The following MALRD1 variants were observed in gnomAD, a reference collection of about 807,000 sequenced individuals.
The protein encoded by MALRD1 is MAM and LDL-receptor class A domain-containing protein 1.
A neutral mutation model predicts 242.1 loss-of-function variants in MALRD1; 247 were observed. The ratio of observed to expected loss-of-function variants is 1.02; its 90% CI spans 0.92 to 1.13. The LOEUF is 1.13. MALRD1 is among the 50% of genes most tolerant of loss of function. The pLI is 0.00. For missense variants in MALRD1, 2,989 were observed against 2,533.1 expected (o/e 1.18, Z -3.86); for synonymous variants, 995 against 866.6 (o/e 1.15, Z -2.60).
chr10:19,371,155 A>G (rs1845358351), intron 26 of MALRD1, among the ~76,000 whole-genome samples: 1 of 151,186 alleles, frequency 6.6e-6, no homozygotes, highest in Non-Finnish European at 1.5e-5. Context: ...CCCAGCTCTC[A>G]GGAGGATCAC....
At chr10:19,705,595 G>C (rs1416963316) in intron 38 of MALRD1, among the ~76,000 whole-genome samples, 2 of 151,876 alleles carry the variant, frequency 1.3e-5, no homozygotes, top group African/African-American at 4.8e-5. Context: ...TTGAGTACAG[G>C]GTTTTGAAAT....
intron 33 of MALRD1, among the ~76,000 whole-genome samples, chr10:19,582,387 A>C (rs1837174892): frequency 6.8e-6 from 1 of 146,960 alleles, no homozygotes; most frequent in Admixed American, 6.8e-5. Context: ...TCCATCTTGA[A>C]TTGATTTTTG....
In MALRD1 at chr10:19,394,726, C is replaced by G. The variant is rs12218710; in HGVS notation, c.4845+5117C>G. Among the ~76,000 whole-genome samples the G allele has an allele frequency of 3.3e-5, 5 of 152,238 alleles. No homozygotes were observed. In the East Asian group the frequency reaches 7.7e-4, roughly 24 times the overall value. Reference sequence around the variant, plus strand: ...CCAAAAATCCAAAATTTGAAATGTTCCAGTGAGCCTTTGCTTTGAGCATCA... The same window carrying G: ...CCAAAAATCCAAAATTTGAAATGTTGCAGTGAGCCTTTGCTTTGAGCATCA... On this transcript the variant is annotated intron_variant, in intron 28 of 39. Transcript: ENST00000454679.
chr10:19,295,888 AT>A (rs1841669504), intron 21 of MALRD1, among the ~76,000 whole-genome samples: 1 of 152,126 alleles, frequency 6.6e-6, no homozygotes, highest in Admixed American at 6.6e-5. Flanking sequence ...GACCCTAAGA[AT>A]TTACATTTTA....
chr10:19,221,526 C>T (rs1476077593), intron 18 of MALRD1, among the ~76,000 whole-genome samples: 8 of 152,052 alleles, frequency 5.3e-5, no homozygotes, highest in Non-Finnish European at 1.0e-4. Flanking sequence ...AATGTAACGG[C>T]AGTTTATTAT....
chr10:19,162,098 C>T (rs1834455908), intron 12 of MALRD1, among the ~76,000 whole-genome samples: 1 of 152,106 alleles, frequency 6.6e-6, no homozygotes, highest in Non-Finnish European at 1.5e-5. Flanking sequence ...ATGAATTTTT[C>T]ACTTTGTTTA....
At chr10:19,539,897 TGC>T (rs1323112743) in intron 32 of MALRD1, among the ~76,000 whole-genome samples, 2 of 44,418 alleles carry the variant, frequency 4.5e-5, no homozygotes, top group East Asian at 7.8e-4. Context: ...TGTGTGTGTG[TGC>T]GCGCGCGCGT....
intron 18 of MALRD1, among the ~76,000 whole-genome samples, chr10:19,238,511 A>ATATACAT (rs1838568259): frequency 4.5e-5 from 2 of 44,542 alleles, no homozygotes; most frequent in African/African-American, 1.3e-4. Flanking sequence ...ATAATATATA[A>ATATACAT]TGTATATTAT....
At chr10:19,391,280 C>G (rs187608715) in intron 28 of MALRD1, among the ~76,000 whole-genome samples, 2 of 152,198 alleles carry the variant, frequency 1.3e-5, no homozygotes, top group East Asian at 3.9e-4. Flanking sequence ...TGTACTTAGT[C>G]ACGTTGATTG....
chr10:19,489,685 G>C (rs2884448), intron 29 of MALRD1, among the ~76,000 whole-genome samples: 123,260 of 152,226 alleles, frequency 0.81, 50,318 homozygotes, highest in East Asian at 1. Context: ...GCTTAACATT[G>C]CATCGGTGGG....
At chr10:19,306,613 A>G (rs928347738) in intron 21 of MALRD1, among the ~76,000 whole-genome samples, 3 of 150,276 alleles carry the variant, frequency 2.0e-5, no homozygotes, top group East Asian at 2.0e-4. Context: ...GTGTATATAT[A>G]TATGTACTTA....
chr10:19,375,045 A>G (rs1845540990), intron 26 of MALRD1, among the ~76,000 whole-genome samples: 1 of 152,134 alleles, frequency 6.6e-6, no homozygotes, highest in African/African-American at 2.4e-5. Flanking sequence ...ATGGCCCTGC[A>G]CTTTTTCTAG....
intron 31 of MALRD1, among the ~76,000 whole-genome samples, chr10:19,501,670 T>A (rs1837978482): frequency 6.6e-6 from 1 of 152,188 alleles, no homozygotes; most frequent in Non-Finnish European, 1.5e-5. Context: ...GGATACATAC[T>A]TGTTTATTAA....
At chr10:19,270,213 C>T (rs538981284) in intron 19 of MALRD1, among the ~76,000 whole-genome samples, 30 of 152,102 alleles carry the variant, frequency 2.0e-4, no homozygotes, top group Middle Eastern at 3.4e-3. Flanking sequence ...CTACTCAGGA[C>T]GCTGAGGCAC....
At chr10:19,327,884 G>C (rs943710589) in intron 23 of MALRD1, among the ~76,000 whole-genome samples, 1 of 152,012 alleles carries the variant, frequency 6.6e-6, no homozygotes, top group Admixed American at 6.6e-5. Context: ...GTAGATATTC[G>C]TACCTCTAGG....
chr10:19,464,270 G>A (rs188194386), intron 29 of MALRD1, among the ~76,000 whole-genome samples: 25 of 152,166 alleles, frequency 1.6e-4, no homozygotes, highest in African/African-American at 3.6e-4. Flanking sequence ...GTTCTTGGTC[G>A]TGAAGTCTTT....
At chr10:19,555,115 T>A (rs1031649453) in intron 32 of MALRD1, among the ~76,000 whole-genome samples, 3 of 152,054 alleles carry the variant, frequency 2.0e-5, no homozygotes, top group African/African-American at 7.2e-5. Flanking sequence ...TCTCATTGTG[T>A]TTTTGATTTG....
At chr10:19,627,837 A>T (rs1839733774) in intron 36 of MALRD1, among the ~76,000 whole-genome samples, 1 of 151,936 alleles carries the variant, frequency 6.6e-6, no homozygotes, top group African/African-American at 2.4e-5. Flanking sequence ...TACAGGATAC[A>T]CAACAGCTAG....
At chr10:19,719,219 C>CATAAATAT in intron 38 of MALRD1, among the ~76,000 whole-genome samples, 1 of 30,340 alleles carries the variant, frequency 3.3e-5, no homozygotes, top group Admixed American at 5.9e-4. Context: ...TATACACATA[C>CATAAATAT]ATACATATAT....
Sources: allele counts gnomAD v4.1 joint callset (sites outside exome capture counted in the v4.1 genomes callset), GRCh38; gene constraint gnomAD v4.1.1; transcripts MANE v1.5; gene names NCBI Gene and HGNC (gene_info 2026-07-23, HGNC 2026-07-21).